GRIP1: variants seen among roughly 807,000 people sequenced by gnomAD.
GRIP1 encodes glutamate receptor interacting protein 1.
GRIP1 carries 45 observed loss-of-function variants against 129.9 expected under a neutral mutation model. That is an observed-to-expected ratio of 0.35 (90% CI 0.27 to 0.44). The LOEUF is 0.44. GRIP1 is among the 20% of genes least tolerant of loss of function. The pLI, the probability that GRIP1 is intolerant of heterozygous loss-of-function variation, is 1.00. For synonymous variants in GRIP1, 530 were observed against 520.8 expected (o/e 1.02, Z -0.24); for missense variants, 1,196 against 1,396.8 (o/e 0.86, Z 2.29).
chr12:66,445,304 TGAAA>T lies in GRIP1; in HGVS notation c.1541+14_1541+17del, dbSNP rs1328758526. 1.2e-6 allele frequency: 2 copies of T among 1,605,386 alleles called. No homozygotes were observed. Among genetic ancestry groups the T allele is most frequent in the Non-Finnish European group, 1.7e-6 (2 of 1,172,140 alleles). On this transcript the variant is annotated intron_variant, in intron 12 of 24. Transcript: ENST00000359742. ...AAACGCAGAGCAGAAAATGATGCTG[TGAAA>T]GAAAGTGTCTCACCTCTCTGCTGGG... is the stretch of plus-strand genomic sequence containing the variant.
intron 1 of GRIP1, among the ~76,000 whole-genome samples, chr12:66,623,212 T>C (rs973876731): frequency 3.3e-5 from 5 of 152,216 alleles, no homozygotes; most frequent in African/African-American, 1.2e-4. Flanking sequence ...AGCCTAAGTC[T>C]CTCTGCTTTT....
In GRIP1 at chr12:66,672,907, T is replaced by C. The variant is rs537626886; in HGVS notation, c.55+5943A>G. ...AGAAACTGAAATTTAGTGGGGGAAATTCAGTTTTTTTGTTTGTTTGTTTTT... is the reference window on the plus strand; with the variant it reads ...AGAAACTGAAATTTAGTGGGGGAAACTCAGTTTTTTTGTTTGTTTGTTTTT... On this transcript the variant is annotated intron_variant, in intron 1 of 24. Coordinates refer to ENST00000359742, the MANE Select transcript of GRIP1 (RefSeq NM_001366722.1). Among the ~76,000 whole-genome samples the C allele has an allele frequency of 4.6e-5, 7 of 152,248 alleles. No homozygotes were observed. In the South Asian group the frequency reaches 1.5e-3, roughly 32 times the overall value.
At chr12:66,566,035 G>A (rs1333256995) in intron 2 of GRIP1, among the ~76,000 whole-genome samples, 1 of 152,154 alleles carries the variant, frequency 6.6e-6, no homozygotes, top group Non-Finnish European at 1.5e-5. Flanking sequence ...AGACGATGGG[G>A]TTTTCTAAAT....
rs1395959086 is a variant in GRIP1 at position 66,465,410 on chromosome 12, G to A, written c.737C>T (p.Thr246Ile). The change falls in exon 8 of 25, where the codon ACA (threonine) becomes ATA (isoleucine). Residue 246 changes from threonine (T) to isoleucine (I), a missense_variant. Physicochemically the swap from Thr to Ile is moderately conservative, Grantham distance 89. Coordinates refer to ENST00000359742, the MANE Select transcript of GRIP1 (RefSeq NM_001366722.1). ...YDVSVMDSVA[T>I]ASGPLLVEVA... ...TTCGACTAGTAGTGGCCCGGATGCTGTTGCCACAGAGTCTGTCAAAGAACA... is the reference window on the plus strand; with the variant it reads ...TTCGACTAGTAGTGGCCCGGATGCTATTGCCACAGAGTCTGTCAAAGAACA... 1.2e-6 allele frequency: 2 copies of A among 1,613,600 alleles called. No homozygotes were observed. The highest frequency in any genetic ancestry group is 1.3e-5 in the African/African-American group (1 of 74,884).
At chr12:66,388,404 A>G (rs1049088595) in intron 19 of GRIP1, among the ~76,000 whole-genome samples, 4 of 152,238 alleles carry the variant, frequency 2.6e-5, no homozygotes, top group African/African-American at 9.6e-5. Context: ...TTGAGAGTCC[A>G]AAGTTACAGA....
At chr12:66,429,927 A>G (rs557471733) in intron 14 of GRIP1, among the ~76,000 whole-genome samples, 12 of 152,298 alleles carry the variant, frequency 7.9e-5, no homozygotes, top group Non-Finnish European at 1.8e-4. Flanking sequence ...AGGGCATGAG[A>G]CAGTCTAGGC....
intron 1 of GRIP1, among the ~76,000 whole-genome samples, chr12:67,028,673 A>C (rs532500091): frequency 2.0e-5 from 3 of 152,082 alleles, no homozygotes; most frequent in South Asian, 2.1e-4. Context: ...CTTTTTCTCT[A>C]TGTTTTTCGT....
At chr12:66,459,725 T>C (rs2059078444) in intron 9 of GRIP1, among the ~76,000 whole-genome samples, 1 of 152,212 alleles carries the variant, frequency 6.6e-6, no homozygotes, top group Admixed American at 6.5e-5. Context: ...CAAAACTGTA[T>C]GCCATGGATG....
chr12:66,393,236 TG>T (rs1460909193), intron 17 of GRIP1, among the ~76,000 whole-genome samples: 1 of 133,822 alleles, frequency 7.5e-6, no homozygotes, highest in Non-Finnish European at 1.5e-5. Context: ...TGGAGTCCAG[TG>T]GCACGATCTT....
intron 15 of GRIP1, among the ~76,000 whole-genome samples, chr12:66,415,942 C>T (rs552664574): frequency 6.6e-6 from 1 of 152,100 alleles, no homozygotes; most frequent in East Asian, 1.9e-4. Context: ...GGGAGGGAGA[C>T]CATCAGGAAG....
chr12:67,007,689 T>A (rs2042647577), intron 1 of GRIP1, among the ~76,000 whole-genome samples: 2 of 152,176 alleles, frequency 1.3e-5, no homozygotes, highest in Admixed American at 1.3e-4. Flanking sequence ...TTATTTCCAA[T>A]GCCATCCCCA....
At chr12:66,432,163 G>C (rs1395635473) in intron 14 of GRIP1, among the ~76,000 whole-genome samples, 2 of 151,870 alleles carry the variant, frequency 1.3e-5, no homozygotes, top group Non-Finnish European at 2.9e-5. Flanking sequence ...AAAATGTAGA[G>C]AATCTATATG....
intron 1 of GRIP1, among the ~76,000 whole-genome samples, chr12:66,944,338 G>C (rs1038874700): frequency 3.3e-5 from 5 of 152,116 alleles, no homozygotes; most frequent in African/African-American, 1.2e-4. Flanking sequence ...CTGATCCTGA[G>C]GCTGCTACAA....
intron 1 of GRIP1, among the ~76,000 whole-genome samples, chr12:66,638,261 T>G (rs1477463253): frequency 1.3e-5 from 2 of 152,220 alleles, no homozygotes; most frequent in Non-Finnish European, 2.9e-5. Context: ...ATTCCACAAA[T>G]TATTTTGAGG....
intron 11 of GRIP1, among the ~76,000 whole-genome samples, chr12:66,451,750 G>A (rs1344916728): frequency 2.0e-5 from 3 of 152,104 alleles, no homozygotes; most frequent in Admixed American, 6.5e-5. Flanking sequence ...TAGTCAACCT[G>A]CCATAGACCT....
chr12:67,034,699 G>T (rs1035570057), intron 1 of GRIP1, among the ~76,000 whole-genome samples: 1 of 152,196 alleles, frequency 6.6e-6, no homozygotes, highest in Non-Finnish European at 1.5e-5. Flanking sequence ...AGAGCAGTAG[G>T]TTTGTTTACA....
At chr12:66,653,613 T>C (rs960459142) in intron 1 of GRIP1, among the ~76,000 whole-genome samples, 18 of 152,184 alleles carry the variant, frequency 1.2e-4, no homozygotes, top group Admixed American at 7.2e-4. Context: ...CAAGAAACTG[T>C]TGACGCACAC....
At position 66,780,442 on chromosome 12, in the gene GRIP1, A is replaced by G. The variant is rs537114308; in HGVS notation, c.-420+23611T>C. On this transcript the variant is annotated intron_variant, in intron 1 of 4. Coordinates refer to the GRIP1 transcript ENST00000538373. Reference sequence around the variant, plus strand: ...TGTCTGTAGCAGTCTTGCCCCTGTGAACTCTTGAATCTGACCAGGTGGGCT... The same window carrying G: ...TGTCTGTAGCAGTCTTGCCCCTGTGGACTCTTGAATCTGACCAGGTGGGCT... Among the ~76,000 whole-genome samples, 9 of 152,308 alleles carry G rather than the reference A, an allele frequency of 5.9e-5. No individual in the cohort carries two copies. In the East Asian group the frequency reaches 1.7e-3, roughly 29 times the overall value.
At chr12:66,507,392 C>T (rs1350035149) in intron 7 of GRIP1, among the ~76,000 whole-genome samples, 5 of 151,436 alleles carry the variant, frequency 3.3e-5, no homozygotes, top group Admixed American at 2.6e-4. Context: ...GAGCCGAGAT[C>T]GTGCCACTGC....
Sources: gnomAD v4.1 joint callset for allele counts (sites outside exome capture counted in the v4.1 genomes callset) on GRCh38, gnomAD v4.1.1 for gene constraint, MANE v1.5 for transcripts, NCBI Gene and HGNC (gene_info 2026-07-23, HGNC 2026-07-21) for gene names.